Variants in PHC2 observed in about 807,000 individuals in gnomAD.
PHC2 encodes the protein polyhomeotic homolog 2.
In PHC2, 29 loss-of-function variants were observed where a neutral mutation model predicts 87.4. The observed-to-expected ratio is 0.33, with a 90% confidence interval of 0.25 to 0.45. PHC2 has a LOEUF of 0.45. PHC2 is among the 20% of genes least tolerant of loss of function. The pLI, the probability that PHC2 is intolerant of heterozygous loss-of-function variation, is 1.00. For missense variants in PHC2, 857 were observed against 1,136.7 expected (o/e 0.75, Z 3.54); for synonymous variants, 438 against 461.7 (o/e 0.95, Z 0.66).
At chr1:33,426,157 C>T (rs1234060917) in intron 1 of PHC2, among the ~76,000 whole-genome samples, 3 of 152,338 alleles carry the variant, frequency 2.0e-5, no homozygotes, top group South Asian at 2.1e-4. Context: ...GTTCACTAAT[C>T]ACTTTCCTAT....
At chr1:33,423,058 C>T (rs559040100) in intron 1 of PHC2, among the ~76,000 whole-genome samples, 12 of 152,120 alleles carry the variant, frequency 7.9e-5, no homozygotes, top group African/African-American at 2.2e-4. Context: ...AGATGGAAGG[C>T]GGCTGGGAAG....
chr1:33,333,951 A>G (rs1330615264), intron 10 of PHC2, 139 bp downstream of exon 10: 2 of 737,134 alleles, frequency 2.7e-6, no homozygotes, highest in African/African-American at 1.8e-5. Context: ...AAATGGCTCT[A>G]TATTCTTTGG....
chr1:33,418,553 T>G (rs1027508685), intron 1 of PHC2, among the ~76,000 whole-genome samples: 3 of 152,158 alleles, frequency 2.0e-5, no homozygotes, highest in African/African-American at 7.2e-5. Context: ...AAGATATAGA[T>G]AACCTGAATA....
chr1:33,425,882 T>C (rs1650647862), intron 1 of PHC2, among the ~76,000 whole-genome samples: 1 of 152,208 alleles, frequency 6.6e-6, no homozygotes. Flanking sequence ...ATGTTGGGCA[T>C]AGAAAATGAG....
intron 1 of PHC2, among the ~76,000 whole-genome samples, chr1:33,414,185 A>T (rs1241882187): frequency 7.6e-4 from 114 of 150,056 alleles, no homozygotes; most frequent in East Asian, 3.9e-3. Flanking sequence ...TGTCACACAC[A>T]CACACACACA....
intron 12 of PHC2, among the ~76,000 whole-genome samples, chr1:33,330,982 T>C (rs1433177625): frequency 1.3e-5 from 2 of 152,166 alleles, no homozygotes; most frequent in African/African-American, 4.8e-5. Context: ...CCATTAGTGA[T>C]CTATGCTGGG....
chr1:33,328,853 A>G lies in PHC2; in HGVS notation c.2425+17T>C. The G allele has an allele frequency of 6.3e-6, 10 of 1,588,992 alleles. No homozygotes were observed. The highest frequency in any genetic ancestry group is 8.6e-6 in the Non-Finnish European group (10 of 1,162,184). Reference sequence around the variant, plus strand: ...CCTTGCTATTCCGGGGAGACATGGAATTTCCAAGGGCCTTACCTGGCAGAG... The same window carrying G: ...CCTTGCTATTCCGGGGAGACATGGAGTTTCCAAGGGCCTTACCTGGCAGAG... On this transcript the variant is annotated intron_variant, in intron 14 of 14. Transcript: ENST00000683057.
chr1:33,422,970 T>C (rs1053928999), intron 1 of PHC2, among the ~76,000 whole-genome samples: 15 of 152,042 alleles, frequency 9.9e-5, no homozygotes, highest in Non-Finnish European at 1.5e-4. Flanking sequence ...TATTAACCTG[T>C]TTAATTCTAT....
At position 33,334,778 on chromosome 1, in the gene PHC2, C is replaced by T. The variant is rs1646587785; in HGVS notation, c.1559-486G>A. Among the ~76,000 whole-genome samples, 1 of 152,114 alleles carries T rather than the reference C, an allele frequency of 6.6e-6. No individual in the cohort carries two copies. The highest frequency in any genetic ancestry group is 1.5e-5 in the Non-Finnish European group (1 of 68,020). On this transcript the variant is annotated intron_variant, in intron 9 of 14. Transcript: ENST00000683057. The surrounding 1 kb of genome is among the most constrained non-coding windows in gnomAD (Gnocchi z 5.5). ...TTCCTTAGAGGAGGGATTTTAAGAG[C>T]CCTGTGAAATGTCAAAACACTGAAC...
intron 1 of PHC2, among the ~76,000 whole-genome samples, chr1:33,393,463 G>GTTTTTTTTTTTTTTTTTT (rs36030279): frequency 7.6e-6 from 1 of 131,046 alleles, no homozygotes; most frequent in Non-Finnish European, 1.6e-5. Flanking sequence ...TTTTCAAGAG[G>GTTTTTTTTTTTTTTTTTT]TTTTTTTTTT....
Position 33,407,440 on chromosome 1 carries a change from C to T in PHC2, c.-55+23536G>A, listed in dbSNP as rs563795978. On this transcript the variant is annotated intron_variant, in intron 1 of 14. Coordinates refer to ENST00000683057, the MANE Select transcript of PHC2 (RefSeq NM_001385109.1). ...TTCTGTCAAGCACCAGAAACCACTACTAGTATGGAACCATCCTAGTCTATC... is the reference window on the plus strand; with the variant it reads ...TTCTGTCAAGCACCAGAAACCACTATTAGTATGGAACCATCCTAGTCTATC... Among the ~76,000 whole-genome samples, 6 of 152,330 alleles carry T rather than the reference C, an allele frequency of 3.9e-5. No homozygotes were observed. In the South Asian group the frequency reaches 1.2e-3, roughly 32 times the overall value.
At chr1:33,406,196 T>G (rs992563725) in intron 1 of PHC2, among the ~76,000 whole-genome samples, 2 of 152,202 alleles carry the variant, frequency 1.3e-5, no homozygotes. Flanking sequence ...AAATTTAATA[T>G]TCTTAGATTT....
intron 1 of PHC2, among the ~76,000 whole-genome samples, chr1:33,416,684 A>G (rs1442334508): frequency 6.6e-6 from 1 of 152,104 alleles, no homozygotes; most frequent in Admixed American, 6.5e-5. Context: ...GGAAGAAACT[A>G]TTAACCTAGA....
At chr1:33,397,978 A>G (rs1234633391) in intron 1 of PHC2, among the ~76,000 whole-genome samples, 1 of 152,122 alleles carries the variant, frequency 6.6e-6, no homozygotes, top group African/African-American at 2.4e-5. Flanking sequence ...CTGTGCATGT[A>G]AAAAAATACT....
intron 2 of PHC2, among the ~76,000 whole-genome samples, chr1:33,373,987 C>T (rs1648014838): frequency 6.6e-6 from 1 of 152,198 alleles, no homozygotes; most frequent in Non-Finnish European, 1.5e-5. Flanking sequence ...ATCCCCATCC[C>T]AACTCTTCCA....
rs115191948 is a variant in PHC2, at chr1:33,370,045, G to A, written c.576+376C>T. ...AGTCCTTGTAAGGATGGTGGGAAGG[G>A]GAAGACTCCATTTCTGTCAAGTATA... is the stretch of plus-strand genomic sequence containing the variant. On this transcript the variant is annotated intron_variant, in intron 5 of 14. Transcript: ENST00000683057. 8.0e-3 allele frequency among the ~76,000 whole-genome samples: 1,212 copies of A among 152,200 alleles called. 14 individuals carry two copies. Among genetic ancestry groups the A allele is most frequent in the African/African-American group, 0.028 (1,149 of 41,508 alleles).
intron 4 of PHC2, among the ~76,000 whole-genome samples, 197 bp downstream of exon 4, chr1:33,370,820 G>A (rs2148325649): frequency 6.6e-6 from 1 of 152,290 alleles, no homozygotes; most frequent in East Asian, 1.9e-4. Context: ...AGAGAGCCCT[G>A]ACACTGGGAG....
chr1:33,419,331 C>T (rs1650334622), intron 1 of PHC2, among the ~76,000 whole-genome samples: 1 of 152,168 alleles, frequency 6.6e-6, no homozygotes, highest in Admixed American at 6.5e-5. Context: ...AACTTAGTGG[C>T]TTAAAACAGC....
At chr1:33,423,377 G>C (rs1650506940) in intron 1 of PHC2, among the ~76,000 whole-genome samples, 1 of 152,144 alleles carries the variant, frequency 6.6e-6, no homozygotes. Flanking sequence ...TTACAGCCAA[G>C]ATTTTAAGAC....
Sources: allele counts gnomAD v4.1 joint callset (sites outside exome capture counted in the v4.1 genomes callset), GRCh38; gene constraint gnomAD v4.1.1; non-coding constraint Gnocchi (gnomAD v3.1); transcripts MANE v1.5; gene names NCBI Gene and HGNC (gene_info 2026-07-23, HGNC 2026-07-21).